EPAS1: variants seen among roughly 807,000 people sequenced by gnomAD.
The protein encoded by EPAS1 is endothelial PAS domain protein 1.
A neutral mutation model predicts 87.9 loss-of-function variants in EPAS1; 23 were observed. The ratio of observed to expected loss-of-function variants is 0.26; its 90% confidence interval spans 0.19 to 0.37. The LOEUF is 0.37. Among genes scored for constraint, EPAS1 ranks in the 10% least tolerant of loss-of-function variants. The probability of loss-of-function intolerance (pLI) is 1.00; values close to 1 mark genes in which losing one functional copy is unlikely to be tolerated. For synonymous variants in EPAS1, 508 were observed against 444.3 expected, an observed-to-expected ratio of 1.14 and a Z score of -1.80; for missense variants, 1,138 against 1,120.7, an observed-to-expected ratio of 1.02 and a Z score of -0.22.
chr2:46,298,022 G>T, intron 1 of EPAS1, 85 bp downstream of exon 1: 10 of 1,536,032 alleles, frequency 6.5e-6, no homozygotes, highest in Non-Finnish European at 8.9e-6. Flanking sequence ...GAGTGGTTGG[G>T]AGAAGAGTGC....
chr2:46,305,759 A>G (rs193282153), intron 1 of EPAS1, among the ~76,000 whole-genome samples: 11 of 152,278 alleles, frequency 7.2e-5, no homozygotes, highest in African/African-American at 2.6e-4. Context: ...TAAAAAAACT[A>G]AGAGATAAGT....
chr2:46,309,745 G>T (rs1683175364), intron 1 of EPAS1, among the ~76,000 whole-genome samples: 1 of 152,204 alleles, frequency 6.6e-6, no homozygotes, highest in African/African-American at 2.4e-5. Context: ...CTGGAGCTCT[G>T]TTAGCAGAAA....
chr2:46,313,837 A>G (rs995643650), intron 1 of EPAS1, among the ~76,000 whole-genome samples: 1 of 152,238 alleles, frequency 6.6e-6, no homozygotes, highest in African/African-American at 2.4e-5. Flanking sequence ...ACCATGCATT[A>G]CATGGTTACT....
intron 1 of EPAS1, among the ~76,000 whole-genome samples, chr2:46,299,727 G>T (rs1682959271): frequency 6.6e-6 from 1 of 152,306 alleles, no homozygotes; most frequent in East Asian, 1.9e-4. Flanking sequence ...CGGGTTTTGT[G>T]CAGTTTTGTA....
In EPAS1 at chr2:46,380,054, G is replaced by A; in HGVS notation, c.1555-173G>A. ...GTACATGATACAAGGTCGTGTACAT[G>A]ACACAGCCAAGTCTGAGGTTTTCCT... is the stretch of plus-strand genomic sequence containing the variant. On this transcript the variant is annotated intron_variant, in intron 11 of 15. Coordinates refer to ENST00000263734, the MANE Select transcript of EPAS1 (RefSeq NM_001430.5). The surrounding 1 kb of genome is among the most constrained non-coding windows in gnomAD (Gnocchi z 4.4). The A allele has an allele frequency of 1.0e-6, 1 of 990,718 alleles. No individual in the cohort carries two copies. Among genetic ancestry groups the A allele is most frequent in the Non-Finnish European group, 1.6e-6 (1 of 632,728 alleles). 61.4% of individuals were successfully genotyped at this position (990,718 alleles called of 1,614,324 possible). A position where few individuals can be genotyped will look rare whatever the true frequency, so the allele number is the denominator to read the frequency against.
intron 6 of EPAS1, among the ~76,000 whole-genome samples, chr2:46,368,049 A>C (rs74582359): frequency 0.012 from 1,775 of 152,344 alleles, 27 homozygotes; most frequent in African/African-American, 0.041. Flanking sequence ...TCAAAGAGAA[A>C]ATCAATCTAC....
chr2:46,302,324 A>C (rs1456229130), intron 1 of EPAS1, among the ~76,000 whole-genome samples: 1 of 151,960 alleles, frequency 6.6e-6, no homozygotes, highest in Non-Finnish European at 1.5e-5. Flanking sequence ...AGGCTTTTCC[A>C]CTTTTCAGGA....
At chr2:46,362,686 G>T (rs563654999) in intron 6 of EPAS1, among the ~76,000 whole-genome samples, 1 of 152,176 alleles carries the variant, frequency 6.6e-6, no homozygotes, top group African/African-American at 2.4e-5. Context: ...TCTCTCCTCT[G>T]ATTCCAGACC....
rs1682918209 is a variant in EPAS1, at chr2:46,297,947, C to A, written c.26+10C>A. 6.2e-7 allele frequency: 1 copy of A among 1,612,000 alleles called. No homozygotes were observed. The highest frequency in any genetic ancestry group is 1.3e-5 in the African/African-American group (1 of 74,876). ...ACAAGGAGAAGAAAAGGTAAGCGGGCGTCCGGGCCGATCAGGGGGCCGGTC... is the reference window on the plus strand; with the variant it reads ...ACAAGGAGAAGAAAAGGTAAGCGGGAGTCCGGGCCGATCAGGGGGCCGGTC... On this transcript the variant is annotated intron_variant, in intron 1 of 15. Transcript: ENST00000263734.
intron 1 of EPAS1, among the ~76,000 whole-genome samples, chr2:46,337,391 GGA>G (rs1683815084): frequency 3.9e-5 from 6 of 152,284 alleles, no homozygotes. Flanking sequence ...CCTGGGAGAT[GGA>G]GAGAGTATAT....
chr2:46,330,539 G>T (rs1683654298), intron 1 of EPAS1, among the ~76,000 whole-genome samples: 1 of 152,244 alleles, frequency 6.6e-6, no homozygotes, highest in South Asian at 2.1e-4. Flanking sequence ...TGTGACCTCA[G>T]AAGTCTTGGC....
At chr2:46,312,084 C>T (rs890836641) in intron 1 of EPAS1, among the ~76,000 whole-genome samples, 3 of 152,178 alleles carry the variant, frequency 2.0e-5, no homozygotes, top group South Asian at 4.1e-4. Flanking sequence ...AGGCACAGTA[C>T]ATGTTTATTT....
intron 1 of EPAS1, among the ~76,000 whole-genome samples, chr2:46,329,207 C>T (rs1040676383): frequency 6.6e-6 from 1 of 152,160 alleles, no homozygotes; most frequent in African/African-American, 2.4e-5. Context: ...AAGTGAAGCG[C>T]TAGGATTGGT....
chr2:46,317,154 T>A (rs1683360497), intron 1 of EPAS1, among the ~76,000 whole-genome samples: 1 of 152,220 alleles, frequency 6.6e-6, no homozygotes, highest in African/African-American at 2.4e-5. Flanking sequence ...AAGTCATCCG[T>A]GAGGTTTGGA....
At chr2:46,374,513 G>A (rs1684695536) in intron 7 of EPAS1, among the ~76,000 whole-genome samples, 1 of 152,310 alleles carries the variant, frequency 6.6e-6, no homozygotes, top group African/African-American at 2.4e-5. Flanking sequence ...GGTAGCTAAT[G>A]ATGACAGTTA....
rs779989699 is a variant in EPAS1, at chr2:46,382,510, C to T, written c.2373C>T (p.Pro791=). The T allele has an allele frequency of 1.1e-5, 18 of 1,614,188 alleles. No individual in the cohort carries two copies. The highest frequency in any genetic ancestry group is 3.3e-5 in the Admixed American group (2 of 60,030). The change falls in exon 15 of 16, where the codon CCC becomes CCT. Residue 791 remains proline, a synonymous_variant. Coordinates refer to ENST00000263734, the MANE Select transcript of EPAS1 (RefSeq NM_001430.5). ...PLPQPPSAIS[P]GENSKSRFPP... is the part of the protein sequence containing the mutation. ...CACAGCCTCCATCTGCCATCAGTCCCGGGGAGAACAGCAAGAGCAGGTTCC... is the reference window on the plus strand; with the variant it reads ...CACAGCCTCCATCTGCCATCAGTCCTGGGGAGAACAGCAAGAGCAGGTTCC...
chr2:46,355,400 T>C (rs1359901305), intron 2 of EPAS1, among the ~76,000 whole-genome samples: 4 of 152,192 alleles, frequency 2.6e-5, no homozygotes, highest in African/African-American at 9.7e-5. Context: ...CTATGAATGG[T>C]TGAGTGTGGC....
At chr2:46,349,575 CCT>C (rs979855102) in intron 2 of EPAS1, among the ~76,000 whole-genome samples, 19 of 152,210 alleles carry the variant, frequency 1.2e-4, no homozygotes, top group African/African-American at 4.6e-4. Flanking sequence ...CAGCTCTGGT[CCT>C]CTCTGTCCCA....
At chr2:46,345,499 G>A (rs910216476) in intron 1 of EPAS1, among the ~76,000 whole-genome samples, 2 of 152,094 alleles carry the variant, frequency 1.3e-5, no homozygotes, top group Non-Finnish European at 2.9e-5. Flanking sequence ...CCAGTGCAAA[G>A]CCCGACTTCC....
Sources: gnomAD v4.1 joint callset for allele counts (sites outside exome capture counted in the v4.1 genomes callset) on GRCh38, gnomAD v4.1.1 for gene constraint, Gnocchi (gnomAD v3.1) non-coding constraint, MANE v1.5 for transcripts, NCBI Gene and HGNC (gene_info 2026-07-23, HGNC 2026-07-21) for gene names.